The following RIN3 variants were observed in gnomAD, a reference collection of about 807,000 sequenced individuals.
RIN3 encodes the protein RAB5 interacting protein 3.
In RIN3, 54 loss-of-function variants were observed where a neutral mutation model predicts 76.3. The observed-to-expected ratio is 0.71, with a 90% confidence interval of 0.57 to 0.89. RIN3 has a LOEUF of 0.89. Ranked by LOEUF, RIN3 falls within the 40% of genes least tolerant of loss-of-function variation. RIN3 has a pLI of 0.00. For synonymous variants in RIN3, 576 were observed against 564.0 expected (o/e 1.02, Z -0.30); for missense variants, 1,256 against 1,322.1 (o/e 0.95, Z 0.78).
At chr14:92,645,381 G>T (rs1887160781) in intron 5 of RIN3, among the ~76,000 whole-genome samples, 1 of 152,180 alleles carries the variant, frequency 6.6e-6, no homozygotes, top group African/African-American at 2.4e-5. Flanking sequence ...TTACAGATAA[G>T]GAAATGGAAA....
intron 1 of RIN3, among the ~76,000 whole-genome samples, chr14:92,516,718 C>G (rs1219213229): frequency 6.6e-6 from 1 of 152,102 alleles, no homozygotes; most frequent in Non-Finnish European, 1.5e-5. Flanking sequence ...AGTCGCAGCA[C>G]ATTTATCCCT....
intron 4 of RIN3, among the ~76,000 whole-genome samples, chr14:92,617,738 T>A (rs769844297): frequency 5.9e-5 from 9 of 152,252 alleles, no homozygotes; most frequent in Non-Finnish European, 1.2e-4. Flanking sequence ...CCCCTAGCAC[T>A]GAATTTCTAT....
At chr14:92,639,725 C>T (rs188304490) in intron 4 of RIN3, among the ~76,000 whole-genome samples, 10 of 152,344 alleles carry the variant, frequency 6.6e-5, no homozygotes, top group Admixed American at 6.5e-4. Flanking sequence ...CCCATTAGTC[C>T]GAACTCCTTC....
At position 92,685,144 on chromosome 14, in the gene RIN3, C is replaced by G. The variant is rs199850244; in HGVS notation, c.2625C>G (p.Ser875=). ...TLNKARASRS[S]VQDFICVSYL... is the part of the protein sequence containing the mutation. The stretch of plus-strand genomic sequence containing the variant: ...ACAAGGCCCGGGCCTCCCGCTCCTC[C>G]GTACAGGTGAGGCCTGAGAGCGGGA... The change falls in exon 9 of 10, where the codon TCC becomes TCG. Residue 875 remains serine, a synonymous_variant. Transcript: ENST00000216487. The surrounding 1 kb of genome is among the most constrained non-coding windows in gnomAD (Gnocchi z 4.7). 2.5e-6 allele frequency: 4 copies of G among 1,608,544 alleles called. No individual in the cohort carries two copies. The African/African-American group carries it at 4.0e-5, about 16-fold the overall frequency.
At chr14:92,660,745 G>C (rs1161723414) in intron 7 of RIN3, among the ~76,000 whole-genome samples, 1 of 152,212 alleles carries the variant, frequency 6.6e-6, no homozygotes, top group African/African-American at 2.4e-5. Context: ...AAGGCACATT[G>C]TAAAGGGTGT....
intron 3 of RIN3, among the ~76,000 whole-genome samples, chr14:92,606,652 A>G (rs998020615): frequency 1.3e-5 from 2 of 152,358 alleles, no homozygotes; most frequent in Admixed American, 6.5e-5. Context: ...AAACACATGA[A>G]AAGACTCTCA....
rs1049059182 is a variant in RIN3, at chr14:92,623,076, C to T, written c.440+7597C>T. Among the ~76,000 whole-genome samples the T allele has an allele frequency of 1.3e-5, 2 of 152,202 alleles. No homozygotes were observed. Among genetic ancestry groups the T allele is most frequent in the Non-Finnish European group, 2.9e-5 (2 of 68,042 alleles). ...CCAACAAGAATAAGCACAGCTATTGCGATTGCGAGAGAGGTAACAATAGAG... is the reference window on the plus strand; with the variant it reads ...CCAACAAGAATAAGCACAGCTATTGTGATTGCGAGAGAGGTAACAATAGAG... On this transcript the variant is annotated intron_variant, in intron 4 of 9. Transcript: ENST00000216487. The surrounding 1 kb of genome is among the most constrained non-coding windows in gnomAD (Gnocchi z 4.9).
At chr14:92,545,186 T>C (rs1018421183) in intron 1 of RIN3, among the ~76,000 whole-genome samples, 2 of 138,830 alleles carry the variant, frequency 1.4e-5, no homozygotes, top group African/African-American at 2.7e-5. Flanking sequence ...CTCCACTCAC[T>C]GCAAGCTCCG....
intron 5 of RIN3, among the ~76,000 whole-genome samples, chr14:92,646,403 T>G (rs544156842): frequency 1.3e-5 from 2 of 152,372 alleles, no homozygotes; most frequent in East Asian, 3.9e-4. Context: ...TGACACTTTT[T>G]CATCTTATAA....
At chr14:92,595,423 C>A (rs1885119050) in intron 3 of RIN3, among the ~76,000 whole-genome samples, 1 of 152,214 alleles carries the variant, frequency 6.6e-6, no homozygotes, top group Non-Finnish European at 1.5e-5. Flanking sequence ...CAGATCACAT[C>A]ATATAGAGGA....
intron 4 of RIN3, among the ~76,000 whole-genome samples, chr14:92,634,733 C>T (rs1279119477): frequency 6.6e-6 from 1 of 151,966 alleles, no homozygotes; most frequent in African/African-American, 2.4e-5. Context: ...TTGCAGTCAC[C>T]TGTAATTCCA....
At chr14:92,591,208 G>A (rs1368522978) in intron 3 of RIN3, among the ~76,000 whole-genome samples, 1 of 152,122 alleles carries the variant, frequency 6.6e-6, no homozygotes, top group Non-Finnish European at 1.5e-5. Flanking sequence ...GCCTTAGATA[G>A]GCTTCTTAAT....
chr14:92,513,883 C>A lies in RIN3; in HGVS notation c.-50C>A. The A allele has an allele frequency of 8.1e-7, 1 of 1,238,790 alleles. No homozygotes were observed. The highest frequency in any genetic ancestry group is 1.0e-6 in the Non-Finnish European group (1 of 988,020). The allele number at this position is 1,238,790 out of a possible 1,614,324, so 76.7% of individuals were successfully genotyped here. A position where few individuals can be genotyped will look rare whatever the true frequency, so the allele number is the denominator to read the frequency against. ...GGCGCCCGGGACTCCGCGTTCCGCG[C>A]GGCCCGGCGCCTGAGCGCCTCCGTT... On this transcript the variant is annotated 5_prime_UTR_variant, in exon 1 of 10. Coordinates refer to ENST00000216487, the MANE Select transcript of RIN3 (RefSeq NM_024832.5).
At chr14:92,528,046 AG>A (rs1184789502) in intron 1 of RIN3, among the ~76,000 whole-genome samples, 3 of 10,734 alleles carry the variant, frequency 2.8e-4, no homozygotes, top group Non-Finnish European at 6.3e-4. Context: ...CAGCTCAGGG[AG>A]GGGGGCGTGG....
intron 1 of RIN3, among the ~76,000 whole-genome samples, chr14:92,548,845 A>G (rs538624963): frequency 1.3e-5 from 2 of 152,064 alleles, no homozygotes; most frequent in East Asian, 1.9e-4. Flanking sequence ...GGATTTGCAC[A>G]TATCTTCTCG....
At chr14:92,590,706 G>A (rs1884949609) in intron 3 of RIN3, among the ~76,000 whole-genome samples, 1 of 152,140 alleles carries the variant, frequency 6.6e-6, no homozygotes, top group Non-Finnish European at 1.5e-5. Context: ...CTGGGAAAGG[G>A]AAATACCCAA....
intron 4 of RIN3, among the ~76,000 whole-genome samples, chr14:92,632,350 G>A (rs996858671): frequency 3.3e-5 from 5 of 152,218 alleles, no homozygotes; most frequent in Admixed American, 1.3e-4. Flanking sequence ...TTTGGGCTGC[G>A]ACTGCCCACA....
At chr14:92,646,714 T>C (rs1436616863) in intron 5 of RIN3, among the ~76,000 whole-genome samples, 1 of 152,216 alleles carries the variant, frequency 6.6e-6, no homozygotes, top group Non-Finnish European at 1.5e-5. Context: ...GTGCTGGGAT[T>C]ACAGGCGTGA....
chr14:92,626,306 C>T (rs1464222125), intron 4 of RIN3, among the ~76,000 whole-genome samples: 1 of 152,186 alleles, frequency 6.6e-6, no homozygotes, highest in Non-Finnish European at 1.5e-5. Flanking sequence ...GAATCATCCC[C>T]CTTTCTTCCC....
Sources: gnomAD v4.1 joint callset for allele counts (sites outside exome capture counted in the v4.1 genomes callset) on GRCh38, gnomAD v4.1.1 for gene constraint, Gnocchi (gnomAD v3.1) non-coding constraint, MANE v1.5 for transcripts, NCBI Gene and HGNC (gene_info 2026-07-23, HGNC 2026-07-21) for gene names.